The following KCTD16 variants were observed in gnomAD, a reference collection of about 807,000 sequenced individuals.
The protein encoded by KCTD16 is BTB/POZ domain-containing protein KCTD16.
A neutral mutation model predicts 33.2 loss-of-function variants in KCTD16; 13 were observed. That is an observed-to-expected ratio of 0.39 (90% CI 0.25 to 0.62). The LOEUF (loss-of-function observed/expected upper bound fraction) is 0.62, where lower values mean the gene tolerates loss of function less well. Among genes scored for constraint, KCTD16 ranks in the 20% least tolerant of loss-of-function variants. The pLI is 0.50. For missense variants in KCTD16, 441 were observed against 525.1 expected (o/e 0.84, Z 1.57); for synonymous variants, 197 against 195.3 (o/e 1.01, Z -0.07).
chr5:144,383,637 AT>A (rs879812933), intron 3 of KCTD16, among the ~76,000 whole-genome samples: 1,615 of 147,616 alleles, frequency 0.011, 12 homozygotes, highest in Non-Finnish European at 0.016. Context: ...TTTTCAGGAG[AT>A]TTTTTTTTTT....
chr5:144,437,567 A>T (rs1287550922), intron 3 of KCTD16, among the ~76,000 whole-genome samples: 1 of 152,208 alleles, frequency 6.6e-6, no homozygotes, highest in African/African-American at 2.4e-5. Flanking sequence ...TTATCTATTA[A>T]TATTATTGAT....
rs1306465184 is a variant in KCTD16 at position 144,475,495 on chromosome 5, C to T, written c.*1381C>T. 1 of 152,630 alleles carries T rather than the reference C, an allele frequency of 6.6e-6. No homozygotes were observed. Among genetic ancestry groups the T allele is most frequent in the Non-Finnish European group, 1.5e-5 (1 of 68,046 alleles). The allele number at this position is 152,630 out of a possible 1,614,324, so 9.5% of individuals were successfully genotyped here. A position where few individuals can be genotyped will look rare whatever the true frequency, so the allele number is the denominator to read the frequency against. ...AAGAAACTGTTAATAGCCATCCGTC[C>T]ATGTAACTCTGTATTTTACTAAGGT... On this transcript the variant is annotated 3_prime_UTR_variant, in exon 4 of 4. Transcript: ENST00000512467.
intron 3 of KCTD16, among the ~76,000 whole-genome samples, chr5:144,396,912 TTATATA>T (rs200508365): frequency 2.1e-5 from 3 of 141,058 alleles, no homozygotes; most frequent in South Asian, 2.3e-4. Context: ...ACTTTATTTA[TTATATA>T]TATATATATA....
chr5:144,333,645 T>C (rs1246561262), intron 3 of KCTD16, among the ~76,000 whole-genome samples: 2 of 152,142 alleles, frequency 1.3e-5, no homozygotes, highest in Admixed American at 6.6e-5. Flanking sequence ...GCTGGGATAA[T>C]GAGGGACAAC....
intron 3 of KCTD16, among the ~76,000 whole-genome samples, chr5:144,426,317 G>T (rs1753328235): frequency 6.6e-6 from 1 of 152,100 alleles, no homozygotes; most frequent in South Asian, 2.1e-4. Context: ...AGCCTTTACT[G>T]TGGATATTTC....
intron 3 of KCTD16, among the ~76,000 whole-genome samples, chr5:144,408,037 A>G (rs571588336): frequency 1.3e-5 from 2 of 152,350 alleles, no homozygotes; most frequent in South Asian, 4.1e-4. Flanking sequence ...AGAAGGATTT[A>G]TAATCCTTTG....
At position 144,478,485 on chromosome 5, in the gene KCTD16, C is replaced by A. The variant is rs1471987988; in HGVS notation, c.*4371C>A. The A allele has an allele frequency of 2.0e-5, 3 of 152,086 alleles. No individual in the cohort carries two copies. The highest frequency in any genetic ancestry group is 4.8e-5 in the African/African-American group (2 of 41,532). The allele number at this position is 152,086 out of a possible 1,614,324, so 9.4% of individuals were successfully genotyped here. On this transcript the variant is annotated 3_prime_UTR_variant, in exon 4 of 4. Transcript: ENST00000512467. ...TTTTTCCAGTGATCTCCATTGCAAA[C>A]TTTTTAATAGTGTTTTTTAATACTC...
At position 144,351,263 on chromosome 5, in the gene KCTD16, T is replaced by C. The variant is rs916056295; in HGVS notation, c.833-122397T>C. Among the ~76,000 whole-genome samples, 16 of 152,274 alleles carry C rather than the reference T, an allele frequency of 1.1e-4. 1 individual carries two copies. The highest frequency in any genetic ancestry group is 9.8e-4 in the Admixed American group (15 of 15,288). On this transcript the variant is annotated intron_variant, in intron 3 of 3. Transcript: ENST00000512467. ...AGGTGCTAACAGATTTGAACTTGAT[T>C]CTGTAGGTAATAAGGAGCCAGCCAC...
At chr5:144,265,749 C>T (rs1561547566) in intron 3 of KCTD16, among the ~76,000 whole-genome samples, 1 of 152,198 alleles carries the variant, frequency 6.6e-6, no homozygotes, top group Non-Finnish European at 1.5e-5. Flanking sequence ...TTGAAACTGT[C>T]ATTTAATATG....
At chr5:144,353,862 A>T (rs1751504952) in intron 3 of KCTD16, among the ~76,000 whole-genome samples, 1 of 150,576 alleles carries the variant, frequency 6.6e-6, no homozygotes, top group Non-Finnish European at 1.5e-5. Context: ...AAACTTATCA[A>T]CTCTGGTGTT....
intron 3 of KCTD16, among the ~76,000 whole-genome samples, chr5:144,466,417 G>T (rs1212908634): frequency 6.6e-6 from 1 of 151,822 alleles, no homozygotes; most frequent in Non-Finnish European, 1.5e-5. Context: ...TTTCCAATGG[G>T]CAGAGGGAAA....
At chr5:144,229,243 A>C (rs993242624) in intron 3 of KCTD16, among the ~76,000 whole-genome samples, 1 of 152,226 alleles carries the variant, frequency 6.6e-6, no homozygotes, top group Non-Finnish European at 1.5e-5. Context: ...CATTGCATTT[A>C]AGTGGGTTAA....
At chr5:144,292,562 T>C (rs953813407) in intron 3 of KCTD16, among the ~76,000 whole-genome samples, 1 of 152,164 alleles carries the variant, frequency 6.6e-6, no homozygotes, top group African/African-American at 2.4e-5. Context: ...GAGAAACTGT[T>C]CAATATGGAT....
At chr5:144,346,937 A>T (rs2126904295) in intron 3 of KCTD16, among the ~76,000 whole-genome samples, 1 of 151,444 alleles carries the variant, frequency 6.6e-6, no homozygotes, top group East Asian at 1.9e-4. Flanking sequence ...CCCAGACCCA[A>T]GTCCTGGAGA....
At chr5:144,239,519 A>G (rs972370075) in intron 3 of KCTD16, among the ~76,000 whole-genome samples, 1 of 152,130 alleles carries the variant, frequency 6.6e-6, no homozygotes, top group Non-Finnish European at 1.5e-5. Context: ...GCTTTTAATT[A>G]TGTTTACCTC....
rs1041548637 is a variant in KCTD16 at position 144,479,066 on chromosome 5, G to C, written c.*4952G>C. ...AAAATAATGATCTTTCCCAAGGAGA[G>C]TTGTTTATTTCTAGGCCCTTACTTA... On this transcript the variant is annotated 3_prime_UTR_variant, in exon 4 of 4. Transcript: ENST00000512467. 1 of 151,982 alleles carries C rather than the reference G, an allele frequency of 6.6e-6. No homozygotes were observed. Among genetic ancestry groups the C allele is most frequent in the Non-Finnish European group, 1.5e-5 (1 of 67,932 alleles). 9.4% of individuals were successfully genotyped at this position (151,982 alleles called of 1,614,324 possible). A position where few individuals can be genotyped will look rare whatever the true frequency, so the allele number is the denominator to read the frequency against.
chr5:144,184,309 T>C (rs1752683943), intron 2 of KCTD16, among the ~76,000 whole-genome samples: 1 of 152,206 alleles, frequency 6.6e-6, no homozygotes, highest in Non-Finnish European at 1.5e-5. Context: ...GACTACTGTA[T>C]ATAGTATTAT....
At chr5:144,241,702 G>T (rs1754409026) in intron 3 of KCTD16, among the ~76,000 whole-genome samples, 1 of 152,112 alleles carries the variant, frequency 6.6e-6, no homozygotes, top group African/African-American at 2.4e-5. Context: ...ACCATATTTT[G>T]CCTATGAAGC....
intron 3 of KCTD16, among the ~76,000 whole-genome samples, chr5:144,306,305 A>G (rs1751602451): frequency 6.6e-6 from 1 of 152,248 alleles, no homozygotes; most frequent in South Asian, 2.1e-4. Context: ...GGGAAAAGTC[A>G]AAGCAGTTTG....
Sources: allele counts gnomAD v4.1 joint callset (sites outside exome capture counted in the v4.1 genomes callset), GRCh38; gene constraint gnomAD v4.1.1; transcripts MANE v1.5; gene names NCBI Gene and HGNC (gene_info 2026-07-23, HGNC 2026-07-21).